Variants in PUM1 observed in about 807,000 individuals in gnomAD.
The protein encoded by PUM1 is pumilio RNA binding family member 1.
PUM1 carries 13 observed loss-of-function variants against 131.8 expected under a neutral mutation model. That is an observed-to-expected ratio of 0.10 (90% confidence interval 0.06 to 0.16). The LOEUF (loss-of-function observed/expected upper bound fraction) is 0.16. Among genes scored for constraint, PUM1 ranks in the 10% least tolerant of loss-of-function variants. The pLI, the probability that PUM1 is intolerant of heterozygous loss-of-function variation, is 1.00. For synonymous variants in PUM1, 509 were observed against 556.5 expected, an observed-to-expected ratio of 0.91 and a Z score of 1.20; for missense variants, 961 against 1,512.4, an observed-to-expected ratio of 0.64 and a Z score of 6.05.
intron 2 of PUM1, among the ~76,000 whole-genome samples, chr1:31,052,337 A>G (rs1199008720): frequency 3.3e-5 from 5 of 152,016 alleles, no homozygotes; most frequent in African/African-American, 1.2e-4. Flanking sequence ...TTTCAAATAC[A>G]TAACTCATTT....
intron 3 of PUM1, among the ~76,000 whole-genome samples, chr1:31,027,048 ATTGT>A (rs758105413): frequency 6.6e-6 from 1 of 152,276 alleles, no homozygotes; most frequent in Middle Eastern, 3.4e-3. Context: ...CTCTACTGAA[ATTGT>A]TTGCTATTCA....
In PUM1 at chr1:31,009,504, G is replaced by A. The variant is rs6662411; in HGVS notation, c.433-2402C>T. On this transcript the variant is annotated intron_variant, in intron 3 of 21. Transcript: ENST00000426105. Reference sequence around the variant, plus strand: ...AACAGGGCCCAGCATGGTGGCTCACGCCTGTAATCCCAGCACCTTGGGAGG... The same window carrying A: ...AACAGGGCCCAGCATGGTGGCTCACACCTGTAATCCCAGCACCTTGGGAGG... 7.8e-3 allele frequency among the ~76,000 whole-genome samples: 1,194 copies of A among 152,130 alleles called. 23 individuals are homozygous for A. The highest frequency in any genetic ancestry group is 0.028 in the African/African-American group (1,149 of 41,506).
chr1:31,009,170 G>A (rs545564839), intron 3 of PUM1, among the ~76,000 whole-genome samples: 126 of 148,592 alleles, frequency 8.5e-4, no homozygotes, highest in African/African-American at 2.9e-3. Context: ...GCAACAGAGC[G>A]AGACTCCATC....
intron 19 of PUM1, 79 bp downstream of exon 19, chr1:30,941,919 T>C: frequency 5.9e-6 from 8 of 1,357,768 alleles, no homozygotes; most frequent in Non-Finnish European, 8.1e-6. Flanking sequence ...TTCTGGAACC[T>C]ACACTGACAA....
At chr1:31,033,290 C>T (rs1438733555) in intron 2 of PUM1, among the ~76,000 whole-genome samples, 1 of 151,416 alleles carries the variant, frequency 6.6e-6, no homozygotes, top group Non-Finnish European at 1.5e-5. Flanking sequence ...CTGCAACCTC[C>T]ACCTTCCAGG....
chr1:31,008,295 T>C lies in PUM1; in HGVS notation c.433-1193A>G, dbSNP rs189188256. Among the ~76,000 whole-genome samples the C allele has an allele frequency of 3.3e-5, 5 of 152,332 alleles. No individual in the cohort carries two copies. In the East Asian group the frequency reaches 7.7e-4, roughly 23 times the overall value. On this transcript the variant is annotated intron_variant, in intron 3 of 21. Coordinates refer to ENST00000426105, the MANE Select transcript of PUM1 (RefSeq NM_001020658.2). ...TTTCATCTACCTTTAAGTGGCTCTA[T>C]AATCTATCTCATGGACTTGGGTTAC...
chr1:31,045,288 C>A (rs902858887), intron 2 of PUM1, among the ~76,000 whole-genome samples: 1 of 152,050 alleles, frequency 6.6e-6, no homozygotes, highest in Non-Finnish European at 1.5e-5. Context: ...CGCCCACCCC[C>A]ACACCCGGCT....
chr1:30,954,374 C>T (rs1483153122), intron 14 of PUM1, among the ~76,000 whole-genome samples: 2 of 152,086 alleles, frequency 1.3e-5, no homozygotes, highest in Admixed American at 6.5e-5. Flanking sequence ...CTGAGATCTG[C>T]GGAGATTCCT....
intron 2 of PUM1, among the ~76,000 whole-genome samples, chr1:31,030,589 T>C (rs943509482): frequency 6.6e-6 from 1 of 152,004 alleles, no homozygotes; most frequent in Non-Finnish European, 1.5e-5. Flanking sequence ...TGCACGCCTA[T>C]GGTCCCAGCT....
intron 2 of PUM1, among the ~76,000 whole-genome samples, chr1:31,033,409 G>T (rs568464226): frequency 3.8e-5 from 5 of 130,790 alleles, no homozygotes; most frequent in Non-Finnish European, 8.0e-5. Context: ...TTTTTGAGAC[G>T]GAGTCTCGCT....
chr1:30,951,092 G>A (rs754600190), intron 16 of PUM1, among the ~76,000 whole-genome samples: 5 of 152,030 alleles, frequency 3.3e-5, no homozygotes, highest in Middle Eastern at 3.4e-3. Flanking sequence ...TCACATAATC[G>A]TGAGATTGGA....
chr1:30,976,147 C>T (rs1468558886), intron 9 of PUM1, among the ~76,000 whole-genome samples: 1 of 151,876 alleles, frequency 6.6e-6, no homozygotes, highest in Non-Finnish European at 1.5e-5. Flanking sequence ...GTTCATTTTC[C>T]TTGGCAACAA....
At chr1:31,010,316 C>T (rs1022719970) in intron 3 of PUM1, among the ~76,000 whole-genome samples, 1 of 152,182 alleles carries the variant, frequency 6.6e-6, no homozygotes, top group Non-Finnish European at 1.5e-5. Flanking sequence ...TACTCATACC[C>T]TGAGTAATCC....
chr1:31,027,995 A>C (rs1037181302), intron 3 of PUM1, among the ~76,000 whole-genome samples: 2 of 152,190 alleles, frequency 1.3e-5, no homozygotes, highest in African/African-American at 4.8e-5. Flanking sequence ...AGCCACAACA[A>C]ATGTCACTTG....
At chr1:30,971,817 G>A (rs1291386654) in intron 10 of PUM1, among the ~76,000 whole-genome samples, 1 of 152,186 alleles carries the variant, frequency 6.6e-6, no homozygotes, top group Non-Finnish European at 1.5e-5. Flanking sequence ...ACAGCAATTA[G>A]TATTATTCTT....
chr1:30,992,520 T>G lies in PUM1; in HGVS notation c.1028A>C (p.Gln343Pro). ...PVEDFSNMES[Q>P]SVPLDPMEHV... is the part of the protein sequence containing the mutation. ...TTCCATGGGGTCCAAGGGGACACTC[T>G]GGGACTCCATGTTGGAGAAATCCTC... The change falls in exon 7 of 22, where the codon CAG (glutamine) becomes CCG (proline). Residue 343 changes from glutamine (Q) to proline (P), a missense_variant. Around this residue, in one of 4 missense-constraint regions of PUM1, gnomAD observed 654 missense variants for 923.9 expected, o/e 0.71. Coordinates refer to ENST00000426105, the MANE Select transcript of PUM1 (RefSeq NM_001020658.2). The G allele has an allele frequency of 6.2e-7, 1 of 1,614,252 alleles. No homozygotes were observed. Among genetic ancestry groups the G allele is most frequent in the Non-Finnish European group, 8.5e-7 (1 of 1,180,034 alleles).
chr1:30,993,754 C>G (rs919667441), intron 6 of PUM1, among the ~76,000 whole-genome samples: 2 of 152,134 alleles, frequency 1.3e-5, no homozygotes, highest in Non-Finnish European at 2.9e-5. Context: ...ATTTATTACC[C>G]TGTGCCTTAA....
intron 9 of PUM1, among the ~76,000 whole-genome samples, chr1:30,978,228 G>A (rs780204857): frequency 3.3e-5 from 5 of 152,082 alleles, no homozygotes; most frequent in Non-Finnish European, 4.4e-5. Context: ...CAGCCTGGGC[G>A]AGAGAGCAAG....
intron 3 of PUM1, among the ~76,000 whole-genome samples, chr1:31,018,561 G>A (rs1048876569): frequency 6.6e-6 from 1 of 152,284 alleles, no homozygotes; most frequent in East Asian, 1.9e-4. Flanking sequence ...GGGAGGCTGA[G>A]ACAGGAGAAT....
Sources: allele counts gnomAD v4.1 joint callset (sites outside exome capture counted in the v4.1 genomes callset), GRCh38; gene constraint gnomAD v4.1.1; regional missense constraint gnomAD v4.1.1; transcripts MANE v1.5; gene names NCBI Gene and HGNC (gene_info 2026-07-23, HGNC 2026-07-21).